Variants in FGB observed in about 807,000 individuals in gnomAD.
FGB encodes beta-fibrinogen.
Under a neutral mutation model 57.9 loss-of-function variants are expected in FGB, and 25 were observed. That is an observed-to-expected ratio of 0.43 (90% CI 0.31 to 0.60). FGB has a LOEUF of 0.60. Among genes scored for constraint, FGB ranks in the 20% least tolerant of loss-of-function variants. FGB has a pLI of 0.08. For missense variants in FGB, 536 were observed against 598.4 expected, an observed-to-expected ratio of 0.90 and a Z score of 1.09; for synonymous variants, 203 against 199.2, an observed-to-expected ratio of 1.02 and a Z score of -0.16.
chr4:154,568,871 A>T (rs1400259177), intron 5 of FGB, among the ~76,000 whole-genome samples: 2 of 151,974 alleles, frequency 1.3e-5, no homozygotes, highest in Admixed American at 6.6e-5. Flanking sequence ...AAAAAAATTA[A>T]TTAAAAAGCC....
intron 1 of FGB, among the ~76,000 whole-genome samples, chr4:154,563,926 C>T (rs991166207): frequency 1.3e-5 from 2 of 151,846 alleles, no homozygotes; most frequent in African/African-American, 2.4e-5. Flanking sequence ...TAAGAATACA[C>T]AATAATATTT....
intron 1 of FGB, among the ~76,000 whole-genome samples, 165 bp downstream of exon 1, chr4:154,563,297 CT>C (rs139838040): frequency 0.014 from 2,065 of 151,784 alleles, 45 homozygotes; most frequent in African/African-American, 0.047. Flanking sequence ...CATAGTATTT[CT>C]TATATAAAAA....
rs573172008 is a variant in FGB at position 154,566,085 on chromosome 4, C to A, written c.306+86C>A. 37 of 1,086,658 alleles carry A rather than the reference C, an allele frequency of 3.4e-5. 2 individuals carry two copies. In the South Asian group the frequency reaches 4.8e-4, roughly 14 times the overall value. 67.3% of individuals were successfully genotyped at this position (1,086,658 alleles called of 1,614,324 possible). On this transcript the variant is annotated intron_variant, in intron 2 of 7. Coordinates refer to ENST00000302068, the MANE Select transcript of FGB (RefSeq NM_005141.5). ...TGGCAGTCTGCTAATGTTTCACTGA[C>A]CCACATTACCATCACTGTTATTTTG... is the stretch of plus-strand genomic sequence containing the variant.
At position 154,570,733 on chromosome 4, in the gene FGB, T is replaced by C; in HGVS notation, c.*83T>C. ...TATTGGAATTTTCTTTCATACATTA[T>C]ATTCCTCTAAAACTCTCAAGCAGAC... On this transcript the variant is annotated 3_prime_UTR_variant, in exon 8 of 8. Coordinates refer to ENST00000302068, the MANE Select transcript of FGB (RefSeq NM_005141.5). The C allele has an allele frequency of 9.5e-7, 1 of 1,050,142 alleles. No individual in the cohort carries two copies. The highest frequency in any genetic ancestry group is 1.5e-6 in the Non-Finnish European group (1 of 682,148). The allele number at this position is 1,050,142 out of a possible 1,614,324, so 65.1% of individuals were successfully genotyped here. A position where few individuals can be genotyped will look rare whatever the true frequency, so the allele number is the denominator to read the frequency against.
intron 7 of FGB, 35 bp downstream of exon 7, chr4:154,569,834 T>C (rs374237796): frequency 2.5e-6 from 4 of 1,609,704 alleles, no homozygotes; most frequent in Non-Finnish European, 3.4e-6. Flanking sequence ...GCTTTAAAAA[T>C]CACACTAATA....
At chr4:154,567,560 GCTAA>G (rs754988442) in intron 3 of FGB, 29 bp from the exon 4 acceptor site, 9 of 1,376,406 alleles carry the variant, frequency 6.5e-6, no homozygotes, top group Middle Eastern at 1.8e-4. Context: ...AGGCAAAAAT[GCTAA>G]CTATTTCTAC....
rs1485194243 is a variant in FGB, at chr4:154,566,155, C to CTTAGGCTTT, written c.306+156_306+157insTTAGGCTTT. Among the ~76,000 whole-genome samples, 4 of 152,210 alleles carry CTTAGGCTTT rather than the reference C, an allele frequency of 2.6e-5. No individual in the cohort carries two copies. In the East Asian group the frequency reaches 5.8e-4, roughly 22 times the overall value. On this transcript the variant is annotated intron_variant, in intron 2 of 7. Transcript: ENST00000302068. ...AAATTCAAAACATAAACATATTGGG[C>CTTAGGCTTT]CTTTGGTTTAGGCTTTCTTTCTTGT...
Position 154,570,541 on chromosome 4 carries a change from T to A in FGB, c.1367T>A (p.Met456Lys). Reference sequence around the variant, plus strand: ...TGGGGTGGACAGTACACCTGGGACATGGCAAAGCATGGCACAGATGATGGT... The same window carrying A: ...TGGGGTGGACAGTACACCTGGGACAAGGCAAAGCATGGCACAGATGATGGT... ...YYWGGQYTWD[M>K]AKHGTDDGVV... Residue 456 changes from methionine to lysine, a missense_variant, in exon 8 of 8, where the codon ATG (methionine) becomes AAG (lysine). Physicochemically the swap from Met to Lys is moderately conservative, Grantham distance 95. Coordinates refer to ENST00000302068, the MANE Select transcript of FGB (RefSeq NM_005141.5). The A allele has an allele frequency of 6.2e-7, 1 of 1,614,122 alleles. No homozygotes were observed. The highest frequency in any genetic ancestry group is 8.5e-7 in the Non-Finnish European group (1 of 1,180,012).
At position 154,572,126 on chromosome 4, in the gene FGB, A is replaced by G. The variant is rs1053446079; in HGVS notation, c.*1476A>G. Among the ~76,000 whole-genome samples, 1 of 152,196 alleles carries G rather than the reference A, an allele frequency of 6.6e-6. No homozygotes were observed. Among genetic ancestry groups the G allele is most frequent in the African/African-American group, 2.4e-5 (1 of 41,458 alleles). Reference sequence around the variant, plus strand: ...TCTTAAATTCAAATTTTTTAGCTGGAGTAAAAATGGTCCCAGTACCATTTC... The same window carrying G: ...TCTTAAATTCAAATTTTTTAGCTGGGGTAAAAATGGTCCCAGTACCATTTC... On this transcript the variant is annotated 3_prime_UTR_variant, in exon 8 of 8. Transcript: ENST00000302068.
intron 7 of FGB, among the ~76,000 whole-genome samples, chr4:154,570,196 A>G (rs1349081033): frequency 6.6e-6 from 1 of 152,210 alleles, no homozygotes; most frequent in Admixed American, 6.5e-5. Context: ...GTATAAAGTA[A>G]CAAACACAGT....
At chr4:154,568,827 G>A (rs1232285967) in intron 5 of FGB, among the ~76,000 whole-genome samples, 2 of 151,462 alleles carry the variant, frequency 1.3e-5, no homozygotes, top group Non-Finnish European at 2.9e-5. Context: ...ACTGTAGCCT[G>A]GGCAACAGAG....
intron 3 of FGB, among the ~76,000 whole-genome samples, chr4:154,566,956 A>G (rs1488879347): frequency 6.6e-6 from 1 of 152,198 alleles, no homozygotes; most frequent in African/African-American, 2.4e-5. Flanking sequence ...TACAGAGTGG[A>G]AAAAAACCCC....
At position 154,566,506 on chromosome 4, in the gene FGB, A is replaced by G; in HGVS notation, c.324A>G (p.Thr108=). 1.2e-6 allele frequency: 2 copies of G among 1,614,178 alleles called. No individual in the cohort carries two copies. The highest frequency in any genetic ancestry group is 1.1e-5 in the South Asian group (1 of 91,092). ...GTTTTTAGGGGGTGTTGTGTCCTAC[A>G]GGATGTCAGTTGCAAGAGGCTTTGC... The part of the protein sequence containing the change: ...ADPDLGVLCP[T]GCQLQEALLQ... Residue 108 remains threonine (T), a synonymous_variant, in exon 3 of 8, where the codon ACA becomes ACG. Coordinates refer to ENST00000302068, the MANE Select transcript of FGB (RefSeq NM_005141.5).
chr4:154,566,070 C>A, intron 2 of FGB, 71 bp downstream of exon 2: 1 of 1,328,770 alleles, frequency 7.5e-7, no homozygotes, highest in Non-Finnish European at 1.1e-6. Context: ...TGGCAGTCTG[C>A]TAATGTTTCA....
At chr4:154,566,444 GA>G (rs780249564) in intron 2 of FGB, 44 bp from the exon 3 acceptor site, 13 of 1,563,684 alleles carry the variant, frequency 8.3e-6, no homozygotes, top group Non-Finnish European at 1.1e-5. Flanking sequence ...AAATGTCCAT[GA>G]CCCAAATCCT....
Position 154,565,960 on chromosome 4 carries a change from C to G in FGB, c.267C>G (p.Ala89=), listed in dbSNP as rs1268373410. 1.2e-6 allele frequency: 2 copies of G among 1,613,784 alleles called. No individual in the cohort carries two copies. The highest frequency in any genetic ancestry group is 1.1e-5 in the South Asian group (1 of 91,082). ...CTCAAAAGAAAGTAGAAAGAAAAGC[C>G]CCTGATGCTGGAGGCTGTCTTCACG... ...AATQKKVERK[A]PDAGGCLHAD... is the part of the protein sequence containing the mutation. The change falls in exon 2 of 8, where the codon GCC becomes GCG. Residue 89 remains alanine, a synonymous_variant. Transcript: ENST00000302068.
At chr4:154,566,693 C>A in intron 3 of FGB, 21 bp downstream of exon 3, 4 of 1,611,672 alleles carry the variant, frequency 2.5e-6, no homozygotes, top group Non-Finnish European at 3.4e-6. Flanking sequence ...TTGTGCTTTC[C>A]ATTCGATTTT....
chr4:154,569,506 T>A lies in FGB; in HGVS notation c.959-8T>A. On this transcript the variant is annotated splice_region_variant and splice_polypyrimidine_tract_variant and intron_variant, in intron 6 of 7. Coordinates refer to ENST00000302068, the MANE Select transcript of FGB (RefSeq NM_005141.5). ...TTTTGGTGAGATTTTATTTTGTTTT[T>A]CTTTTAGGTGAATATTGGCTTGGAA... is the stretch of plus-strand genomic sequence containing the variant. 1.2e-6 allele frequency: 2 copies of A among 1,608,938 alleles called. No homozygotes were observed. Among genetic ancestry groups the A allele is most frequent in the Non-Finnish European group, 8.5e-7 (1 of 1,178,710 alleles).
In FGB at chr4:154,566,640, A is replaced by G. The variant is rs1375475075; in HGVS notation, c.458A>G (p.Asp153Gly). 6 of 1,614,052 alleles carry G rather than the reference A, an allele frequency of 3.7e-6. No homozygotes were observed. The highest frequency in any genetic ancestry group is 5.1e-6 in the Non-Finnish European group (6 of 1,180,036). Residue 153 changes from aspartate to glycine, a missense_variant, in exon 3 of 8, where the codon GAC becomes GGC. Asp to Gly is a moderately conservative substitution (Grantham distance 94, BLOSUM62 -1). Transcript: ENST00000302068. ...TTTCAGTACATGTATTTGCTGAAAG[A>G]CCTGTGGCAAAAGAGGCAGAAGCAA... The part of the protein sequence containing the change: ...SSFQYMYLLK[D>G]LWQKRQKQVK...
Sources: allele counts gnomAD v4.1 joint callset (sites outside exome capture counted in the v4.1 genomes callset), GRCh38; gene constraint gnomAD v4.1.1; transcripts MANE v1.5; gene names NCBI Gene and HGNC (gene_info 2026-07-23, HGNC 2026-07-21).